SMNDC1: variants seen among roughly 807,000 people sequenced by gnomAD.
SMNDC1 encodes the protein survival of motor neuron-related-splicing factor 30.
In SMNDC1, 5 loss-of-function variants were observed where a neutral mutation model predicts 29.2. The observed-to-expected ratio is 0.17, with a 90% CI of 0.09 to 0.36. The LOEUF (loss-of-function observed/expected upper bound fraction) is 0.36. Among genes scored for constraint, SMNDC1 ranks in the 10% least tolerant of loss-of-function variants. The pLI is 1.00. For synonymous variants in SMNDC1, 80 were observed against 89.9 expected (o/e 0.89, Z 0.62); for missense variants, 142 against 268.5 (o/e 0.53, Z 3.29).
At position 110,291,768 on chromosome 10, in the gene SMNDC1, T is replaced by G. The variant is rs1013161729; in HGVS notation, c.*2382A>C. 4 of 152,256 alleles carry G rather than the reference T, an allele frequency of 2.6e-5. No individual in the cohort carries two copies. The highest frequency in any genetic ancestry group is 5.9e-5 in the Non-Finnish European group (4 of 68,046). 9.4% of individuals were successfully genotyped at this position (152,256 alleles called of 1,614,324 possible). ...TTTCCAGTATGCTCTGTGGCCTCCC[T>G]ACATGTTAATTAAAATAGCACTTGT... On this transcript the variant is annotated 3_prime_UTR_variant, in exon 6 of 6. Transcript: ENST00000369603.
rs1857510287 is a variant in SMNDC1 at position 110,292,448 on chromosome 10, A to C, written c.*1702T>G. The C allele has an allele frequency of 6.6e-6, 1 of 152,130 alleles. No homozygotes were observed. Among genetic ancestry groups the C allele is most frequent in the Admixed American group, 6.5e-5 (1 of 15,274 alleles). The allele number at this position is 152,130 out of a possible 1,614,324, so 9.4% of individuals were successfully genotyped here. A position where few individuals can be genotyped will look rare whatever the true frequency, so the allele number is the denominator to read the frequency against. ...CTAATACCACCAAGGTAATCTCAAC[A>C]ACCATTTTCTGGGGTCACACAATGA... On this transcript the variant is annotated 3_prime_UTR_variant, in exon 6 of 6. Transcript: ENST00000369603.
At chr10:110,297,794 C>T (rs1564733599) in intron 3 of SMNDC1, 66 bp from the exon 4 acceptor site, 2 of 1,355,198 alleles carry the variant, frequency 1.5e-6, no homozygotes, top group East Asian at 4.7e-5. Context: ...AAGACTTATA[C>T]TGTAGTGATA....
At chr10:110,300,981 T>TA (rs1857637421) in intron 2 of SMNDC1, among the ~76,000 whole-genome samples, 1 of 152,118 alleles carries the variant, frequency 6.6e-6, no homozygotes, top group Non-Finnish European at 1.5e-5. Context: ...ATGAAAGAGA[T>TA]AAACATGGAA....
rs1857521360 is a variant in SMNDC1 at position 110,293,365 on chromosome 10, C to T, written c.*785G>A. 1.3e-5 allele frequency: 2 copies of T among 152,428 alleles called. No individual in the cohort carries two copies. The highest frequency in any genetic ancestry group is 2.9e-5 in the Non-Finnish European group (2 of 67,984). The allele number at this position is 152,428 out of a possible 1,614,324, so 9.4% of individuals were successfully genotyped here. A position where few individuals can be genotyped will look rare whatever the true frequency, so the allele number is the denominator to read the frequency against. On this transcript the variant is annotated 3_prime_UTR_variant, in exon 6 of 6. Transcript: ENST00000369603. ...TCATTAATTTAGCCTTGTGTTTTTA[C>T]AAAAATAGTATCTACACTGTATACA...
In SMNDC1 at chr10:110,293,291, CACAAGAAAT is replaced by C. The variant is rs1263534253; in HGVS notation, c.*850_*858del. 6.6e-6 allele frequency: 1 copy of C among 152,474 alleles called. No individual in the cohort carries two copies. Among genetic ancestry groups the C allele is most frequent in the Non-Finnish European group, 1.5e-5 (1 of 68,004 alleles). 9.4% of individuals were successfully genotyped at this position (152,474 alleles called of 1,614,324 possible). A position where few individuals can be genotyped will look rare whatever the true frequency, so the allele number is the denominator to read the frequency against. Reference sequence around the variant, plus strand: ...CAGGGAAATTATCGTCAGATTAATGCACAAGAAATACAAGAAATTTTTAATGATGAAATA... The same window carrying C: ...CAGGGAAATTATCGTCAGATTAATGCACAAGAAATTTTTAATGATGAAATA... On this transcript the variant is annotated 3_prime_UTR_variant, in exon 6 of 6. Transcript: ENST00000369603.
intron 3 of SMNDC1, among the ~76,000 whole-genome samples, chr10:110,298,377 G>A (rs1297326327): frequency 6.6e-6 from 1 of 152,188 alleles, no homozygotes; most frequent in African/African-American, 2.4e-5. Flanking sequence ...TTCAATTAGA[G>A]AAAATAATTT....
rs1411709252 is a variant in SMNDC1, at chr10:110,292,854, C to CT, written c.*1295dup. The CT allele has an allele frequency of 2.0e-5, 3 of 152,126 alleles. No individual in the cohort carries two copies. The highest frequency in any genetic ancestry group is 4.4e-5 in the Non-Finnish European group (3 of 67,986). The allele number at this position is 152,126 out of a possible 1,614,324, so 9.4% of individuals were successfully genotyped here. Reference sequence around the variant, plus strand: ...AAACACCCATTAAAATGAGGACATCCTATAAACACAGGCCTGGTTTGCCCT... The same window carrying CT: ...AAACACCCATTAAAATGAGGACATCCTTATAAACACAGGCCTGGTTTGCCCT... On this transcript the variant is annotated 3_prime_UTR_variant, in exon 6 of 6. Transcript: ENST00000369603.
chr10:110,296,913 AAC>A (rs1249626570), intron 4 of SMNDC1, among the ~76,000 whole-genome samples: 29 of 152,236 alleles, frequency 1.9e-4, no homozygotes, highest in Non-Finnish European at 4.1e-4. Flanking sequence ...AAGCTTTACT[AAC>A]ACTTATCGTT....
chr10:110,298,461 A>G (rs1054882940), intron 3 of SMNDC1, among the ~76,000 whole-genome samples, 187 bp downstream of exon 3: 19 of 152,306 alleles, frequency 1.2e-4, no homozygotes, highest in African/African-American at 4.6e-4. Context: ...CTTCTCCCCA[A>G]AACTTAATCT....
In SMNDC1 at chr10:110,303,577, T is replaced by C. The variant is rs1857690275; in HGVS notation, c.11A>G (p.Asp4Gly). 4 of 1,582,590 alleles carry C rather than the reference T, an allele frequency of 2.5e-6. No homozygotes were observed. The highest frequency in any genetic ancestry group is 2.6e-6 in the Non-Finnish European group (3 of 1,169,194). MSEDLAKQLASYKA... is the reference protein window; with the variant it reads MSEGLAKQLASYKA... ...GTAGCTTGCCAGCTGCTTTGCTAAATCCTCTGACATCTAGGGAAAATAAAA... is the reference window on the plus strand; with the variant it reads ...GTAGCTTGCCAGCTGCTTTGCTAAACCCTCTGACATCTAGGGAAAATAAAA... The change falls in exon 2 of 6, where the codon GAT becomes GGT. Residue 4 changes from aspartate (D) to glycine (G), a missense_variant. By Grantham distance (94) the Asp-to-Gly change is moderately conservative. Around this residue, in one of 4 missense-constraint regions of SMNDC1, gnomAD observed 20 missense variants for 21.4 expected, o/e 0.93. Transcript: ENST00000369603.
intron 2 of SMNDC1, among the ~76,000 whole-genome samples, chr10:110,300,083 T>C (rs1435955153): frequency 6.6e-6 from 1 of 152,100 alleles, no homozygotes; most frequent in African/African-American, 2.4e-5. Context: ...AATTATCTGG[T>C]CTTATTTTTA....
intron 4 of SMNDC1, among the ~76,000 whole-genome samples, chr10:110,296,616 G>C (rs1175822411): frequency 6.6e-6 from 1 of 151,982 alleles, no homozygotes; most frequent in Admixed American, 6.6e-5. Context: ...CAACTCCCTG[G>C]GTTCAGGCCA....
chr10:110,295,876 AAGT>A (rs1857556612), intron 4 of SMNDC1, among the ~76,000 whole-genome samples: 1 of 152,238 alleles, frequency 6.6e-6, no homozygotes, highest in Admixed American at 6.5e-5. Flanking sequence ...TCCTGGCCTC[AAGT>A]GATCTGCCTG....
intron 4 of SMNDC1, 146 bp from the exon 5 acceptor site, chr10:110,295,527 C>A (rs1857552455): frequency 1.9e-6 from 1 of 528,564 alleles, no homozygotes; most frequent in Non-Finnish European, 3.1e-6. Flanking sequence ...AAAATCAGTA[C>A]CAATCACCCA....
At chr10:110,304,103 G>C (rs2233929) in intron 1 of SMNDC1, 2,138 of 152,230 alleles carry the variant, frequency 0.014, 46 homozygotes, top group African/African-American at 0.048. Flanking sequence ...AAAATCTTTC[G>C]CCCAGTCGCT....
chr10:110,295,449 C>A, intron 4 of SMNDC1, 68 bp from the exon 5 acceptor site: 3 of 1,296,552 alleles, frequency 2.3e-6, no homozygotes, highest in East Asian at 2.6e-5. Flanking sequence ...CTTGAAGACA[C>A]CGGCAGTGCA....
At chr10:110,296,400 T>C (rs1294587435) in intron 4 of SMNDC1, among the ~76,000 whole-genome samples, 1 of 152,196 alleles carries the variant, frequency 6.6e-6, no homozygotes, top group African/African-American at 2.4e-5. Flanking sequence ...AATATATATA[T>C]ACATTGTTCT....
rs1208918475 is a variant in SMNDC1 at position 110,297,728 on chromosome 10, C to A, written c.264G>T (p.Gln88His). The A allele has an allele frequency of 6.2e-7, 1 of 1,613,124 alleles. No individual in the cohort carries two copies. Among genetic ancestry groups the A allele is most frequent in the Non-Finnish European group, 8.5e-7 (1 of 1,179,514 alleles). Residue 88 changes from glutamine (Q) to histidine (H), a missense_variant and splice_region_variant, in exon 4 of 6, where the codon CAG becomes CAT. Physicochemically the swap from Gln to His is conservative, Grantham distance 24. This residue lies in a region of SMNDC1 where 65 missense variants were observed against 75.9 expected (regional missense o/e 0.86). Coordinates refer to ENST00000369603, the MANE Select transcript of SMNDC1 (RefSeq NM_005871.4). Reference sequence around the variant, plus strand: ...TCTCCTCAATCTCCGCTTCATAACACCTGTAAAGATATCATGGCTGTAAGC... The same window carrying A: ...TCTCCTCAATCTCCGCTTCATAACAACTGTAAAGATATCATGGCTGTAAGC... ...KCMAVWSEDGQCYEAEIEEID... is the reference protein window; with the variant it reads ...KCMAVWSEDGHCYEAEIEEID...
chr10:110,290,936 A>G lies in SMNDC1; in HGVS notation c.*3214T>C, dbSNP rs1857492517. The G allele has an allele frequency of 6.6e-6, 1 of 152,124 alleles. No homozygotes were observed. The highest frequency in any genetic ancestry group is 6.6e-5 in the Admixed American group (1 of 15,262). 9.4% of individuals were successfully genotyped at this position (152,124 alleles called of 1,614,324 possible). A position where few individuals can be genotyped will look rare whatever the true frequency, so the allele number is the denominator to read the frequency against. On this transcript the variant is annotated 3_prime_UTR_variant, in exon 6 of 6. Coordinates refer to ENST00000369603, the MANE Select transcript of SMNDC1 (RefSeq NM_005871.4). ...AGTCACACAACTACAGTTTTCCTTT[A>G]TGTTAACCTGATGGTCTCCTTTGCT...
Sources: gnomAD v4.1 joint callset for allele counts (sites outside exome capture counted in the v4.1 genomes callset) on GRCh38, gnomAD v4.1.1 for gene constraint, gnomAD v4.1.1 regional missense constraint, MANE v1.5 for transcripts, NCBI Gene and HGNC (gene_info 2026-07-23, HGNC 2026-07-21) for gene names.